Variants in ANKRD36 observed in about 807,000 individuals in gnomAD.
ANKRD36 encodes ankyrin repeat domain 36.
A neutral mutation model predicts 278.1 loss-of-function variants in ANKRD36; 179 were observed. The observed-to-expected ratio is 0.64, with a 90% CI of 0.57 to 0.73. The LOEUF (loss-of-function observed/expected upper bound fraction) is 0.73, where lower values mean the gene tolerates loss of function less well. Ranked by LOEUF, ANKRD36 falls within the 30% of genes least tolerant of loss-of-function variation. ANKRD36 has a pLI of 0.00. For missense variants in ANKRD36, 1,159 were observed against 1,956.7 expected (o/e 0.59, Z 7.69); for synonymous variants, 320 against 641.1 (o/e 0.50, Z 7.57).
rs1387890360 is a variant in ANKRD36, at chr2:97,215,606, A to G, written c.3673+109A>G. 3.8e-6 allele frequency: 6 copies of G among 1,558,906 alleles called. No individual in the cohort carries two copies. In the African/African-American group the frequency reaches 6.8e-5, roughly 18 times the overall value. ...TTGAAGTTTTATGTTTGGATTCAGC[A>G]TGCCTGAGATTCTTCATTTGTAATA... On this transcript the variant is annotated intron_variant, in intron 62 of 75. Transcript: ENST00000420699.
intron 22 of ANKRD36, among the ~76,000 whole-genome samples, chr2:97,176,496 T>C (rs2054298193): frequency 2.8e-5 from 4 of 143,282 alleles, no homozygotes; most frequent in Admixed American, 1.4e-4. Flanking sequence ...TCCTCCATCC[T>C]TTTATTTTGA....
At chr2:97,208,788 A>G (rs2153619631) in intron 54 of ANKRD36, among the ~76,000 whole-genome samples, 1 of 146,776 alleles carries the variant, frequency 6.8e-6, no homozygotes. Context: ...ATAGCTATTT[A>G]ATGTAACTTC....
At position 97,209,666 on chromosome 2, in the gene ANKRD36, C is replaced by T. The variant is rs1299970951; in HGVS notation, c.3266-15C>T. The T allele has an allele frequency of 1.3e-6, 2 of 1,584,514 alleles. No homozygotes were observed. The highest frequency in any genetic ancestry group is 2.3e-5 in the East Asian group (1 of 44,022). Reference sequence around the variant, plus strand: ...ATTTACATGTGAGTGATTATGTATCCCTTTTGCTTTTCAGTGTCTTCTCGG... The same window carrying T: ...ATTTACATGTGAGTGATTATGTATCTCTTTTGCTTTTCAGTGTCTTCTCGG... On this transcript the variant is annotated splice_polypyrimidine_tract_variant and intron_variant, in intron 54 of 75. Coordinates refer to ENST00000420699, the MANE Select transcript of ANKRD36 (RefSeq NM_001354587.1).
chr2:97,152,585 A>C (rs1215382686), intron 14 of ANKRD36, 51 bp downstream of exon 14: 1 of 1,417,140 alleles, frequency 7.1e-7, no homozygotes, highest in Non-Finnish European at 9.6e-7. Flanking sequence ...GTGAATAGAG[A>C]GAAGAGAAAC....
At chr2:97,205,991 T>A (rs776429766) in intron 51 of ANKRD36, 23 bp downstream of exon 51, 1 of 1,549,982 alleles carries the variant, frequency 6.5e-7, no homozygotes, top group Non-Finnish European at 8.7e-7. Flanking sequence ...CCATTTATAT[T>A]GTGAACGAGT....
chr2:97,177,740 C>G lies in ANKRD36; in HGVS notation c.1634-1998C>G, dbSNP rs201883844. On this transcript the variant is annotated intron_variant, in intron 22 of 75. Coordinates refer to ENST00000420699, the MANE Select transcript of ANKRD36 (RefSeq NM_001354587.1). ...ATAAAAACCCTAGAAGAAAACCTAG[C>G]CATTACCATTCAGGACATAGGCATG... Among the ~76,000 whole-genome samples the G allele has an allele frequency of 7.0e-4, 106 of 151,518 alleles. 7 individuals carry two copies. Among genetic ancestry groups the G allele is most frequent in the East Asian group, 1.4e-3 (7 of 5,144 alleles).
At chr2:97,145,199 G>A (rs565392407) in intron 10 of ANKRD36, among the ~76,000 whole-genome samples, 2 of 151,990 alleles carry the variant, frequency 1.3e-5, no homozygotes, top group Admixed American at 1.3e-4. Flanking sequence ...GAAGGGAAAA[G>A]AAGTTATTTG....
At chr2:97,193,935 A>G (rs1487260370) in intron 38 of ANKRD36, among the ~76,000 whole-genome samples, 1 of 151,728 alleles carries the variant, frequency 6.6e-6, no homozygotes. Context: ...GTCATTTTCA[A>G]TGAATATTGC....
chr2:97,120,174 C>T (rs1458857584), intron 3 of ANKRD36, among the ~76,000 whole-genome samples: 1 of 23,704 alleles, frequency 4.2e-5, no homozygotes, highest in African/African-American at 9.5e-5. Context: ...TCTTTCAGGA[C>T]TCTGAGTCTC....
At chr2:97,122,863 T>A in intron 3 of ANKRD36, 24 bp from the exon 4 acceptor site, 1 of 1,525,132 alleles carries the variant, frequency 6.6e-7, no homozygotes. Context: ...TTTGTGATTA[T>A]AAATTGTTGC....
At chr2:97,175,888 T>C (rs544596930) in intron 22 of ANKRD36, among the ~76,000 whole-genome samples, 71 of 151,894 alleles carry the variant, frequency 4.7e-4, no homozygotes, top group African/African-American at 1.6e-3. Flanking sequence ...ATGTACCCAG[T>C]AGTCATTCAG....
At chr2:97,227,669 A>C (rs1276424235) in intron 67 of ANKRD36, among the ~76,000 whole-genome samples, 2 of 152,122 alleles carry the variant, frequency 1.3e-5, no homozygotes, top group Non-Finnish European at 2.9e-5. Flanking sequence ...TATGTTGAAT[A>C]GGAGTGGTGA....
chr2:97,125,534 T>C (rs2038352295), intron 5 of ANKRD36, among the ~76,000 whole-genome samples: 1 of 150,916 alleles, frequency 6.6e-6, no homozygotes, highest in African/African-American at 2.4e-5. Flanking sequence ...GTCAGAGATA[T>C]TCAAATAATG....
intron 5 of ANKRD36, among the ~76,000 whole-genome samples, chr2:97,125,588 C>G (rs527550231): frequency 0.022 from 3,392 of 150,926 alleles, 59 homozygotes; most frequent in Non-Finnish European, 0.033. Context: ...GCTACCAGAT[C>G]TGTACCCTGA....
intron 67 of ANKRD36, among the ~76,000 whole-genome samples, chr2:97,228,914 C>G (rs2070906673): frequency 6.6e-6 from 1 of 151,976 alleles, no homozygotes; most frequent in African/African-American, 2.4e-5. Context: ...CATTCAGGAG[C>G]AGGTTGTTCA....
intron 52 of ANKRD36, among the ~76,000 whole-genome samples, 177 bp from the exon 53 acceptor site, chr2:97,207,634 A>G (rs2063224941): frequency 1.3e-5 from 2 of 151,546 alleles, no homozygotes; most frequent in Non-Finnish European, 3.0e-5. Flanking sequence ...TGGAGCCTGT[A>G]TTCCATTTTC....
In ANKRD36 at chr2:97,209,786, C is replaced by G. The variant is rs532558894; in HGVS notation, c.3295-14C>G. The G allele has an allele frequency of 2.9e-5, 46 of 1,598,952 alleles. 2 individuals carry two copies. In the African/African-American group the frequency reaches 5.9e-4, roughly 21 times the overall value. On this transcript the variant is annotated splice_polypyrimidine_tract_variant and intron_variant, in intron 55 of 75. Coordinates refer to ENST00000420699, the MANE Select transcript of ANKRD36 (RefSeq NM_001354587.1). ...AGATACCTTACTTATTATTTCATTTCAAATTCCATTCAGGCTACAAGTGAC... is the reference window on the plus strand; with the variant it reads ...AGATACCTTACTTATTATTTCATTTGAAATTCCATTCAGGCTACAAGTGAC...
At chr2:97,206,642 G>T (rs1417252277) in intron 52 of ANKRD36, among the ~76,000 whole-genome samples, 2 of 151,294 alleles carry the variant, frequency 1.3e-5, no homozygotes, top group Non-Finnish European at 3.0e-5. Context: ...ATAATTTTGG[G>T]GTTTCTGCTG....
chr2:97,173,691 C>A (rs2053368848), intron 22 of ANKRD36, among the ~76,000 whole-genome samples: 1 of 151,578 alleles, frequency 6.6e-6, no homozygotes, highest in Non-Finnish European at 1.5e-5. Context: ...CAGGTGTAAA[C>A]AAAGAAAGCA....
Sources: allele counts gnomAD v4.1 joint callset (sites outside exome capture counted in the v4.1 genomes callset), GRCh38; gene constraint gnomAD v4.1.1; transcripts MANE v1.5; gene names NCBI Gene and HGNC (gene_info 2026-07-23, HGNC 2026-07-21).